Variants in IMMP2L observed in about 807,000 individuals in gnomAD.
The protein encoded by IMMP2L is mitochondrial inner membrane protease subunit 2.
In IMMP2L, 18 loss-of-function variants were observed where a neutral mutation model predicts 19.3. The ratio of observed to expected loss-of-function variants is 0.93; its 90% confidence interval spans 0.64 to 1.38. The LOEUF (loss-of-function observed/expected upper bound fraction) is 1.38. Among genes scored for constraint, IMMP2L ranks in the 40% most tolerant of loss-of-function variants. The pLI is 0.00. For synonymous variants in IMMP2L, 76 were observed against 73.0 expected (o/e 1.04, Z -0.21); for missense variants, 233 against 218.2 (o/e 1.07, Z -0.43).
rs59745560 is a variant in IMMP2L at position 110,961,432 on chromosome 7, GTT to G, written c.305+2066_305+2067del. Among the ~76,000 whole-genome samples, 836 of 141,124 alleles carry G rather than the reference GTT, an allele frequency of 5.9e-3. 9 individuals are homozygous for G. The highest frequency in any genetic ancestry group is 0.017 in the African/African-American group (655 of 38,726). 92.6% of individuals were successfully genotyped at this position (141,124 alleles called of 152,430 possible). A position where few individuals can be genotyped will look rare whatever the true frequency, so the allele number is the denominator to read the frequency against. On this transcript the variant is annotated intron_variant, in intron 4 of 5. Coordinates refer to ENST00000405709, the MANE Select transcript of IMMP2L (RefSeq NM_032549.4). Reference sequence around the variant, plus strand: ...GAATAATGACAAGAAAAAAGTCTGTGTTTTTTTTTTTTTTCAGTACAGACACA... The same window carrying G: ...GAATAATGACAAGAAAAAAGTCTGTGTTTTTTTTTTTTCAGTACAGACACA...
chr7:110,775,028 T>G (rs967275210), intron 5 of IMMP2L, among the ~76,000 whole-genome samples: 2 of 152,074 alleles, frequency 1.3e-5, no homozygotes, highest in African/African-American at 4.8e-5. Context: ...CAATGATTAC[T>G]TAGTGATATA....
intron 5 of IMMP2L, among the ~76,000 whole-genome samples, chr7:110,823,796 G>C (rs779031378): frequency 2.6e-5 from 4 of 152,078 alleles, no homozygotes; most frequent in Non-Finnish European, 4.4e-5. Context: ...AAGTTGCTCA[G>C]AGATAAGATT....
chr7:111,387,759 C>T (rs967526449), intron 3 of IMMP2L, among the ~76,000 whole-genome samples: 4 of 151,708 alleles, frequency 2.6e-5, no homozygotes, highest in Non-Finnish European at 2.9e-5. Flanking sequence ...GGGCAGACAA[C>T]GAGGTCAGGA....
intron 5 of IMMP2L, among the ~76,000 whole-genome samples, chr7:110,880,345 T>C (rs1364883287): frequency 1.3e-5 from 2 of 152,058 alleles, no homozygotes; most frequent in Non-Finnish European, 2.9e-5. Flanking sequence ...TTTTAAAGAT[T>C]ACCCAACAAG....
chr7:110,904,707 G>A (rs914539034), intron 4 of IMMP2L, among the ~76,000 whole-genome samples: 1 of 152,124 alleles, frequency 6.6e-6, no homozygotes, highest in Non-Finnish European at 1.5e-5. Context: ...TGTTTTATGG[G>A]CTTGCCATAG....
intron 1 of IMMP2L, among the ~76,000 whole-genome samples, chr7:111,556,014 G>GTATATATATATATATA: frequency 1.7e-5 from 2 of 114,602 alleles, no homozygotes; most frequent in South Asian, 6.1e-4. Flanking sequence ...TCTTCTGTGT[G>GTATATATATATATATA]CATGTATATA....
chr7:110,673,586 G>C (rs1792074350), intron 5 of IMMP2L, among the ~76,000 whole-genome samples: 1 of 152,134 alleles, frequency 6.6e-6, no homozygotes, highest in Non-Finnish European at 1.5e-5. Flanking sequence ...TGAATGCTTT[G>C]CTGCTTAGAA....
chr7:110,928,512 T>A (rs1815118969), intron 4 of IMMP2L, among the ~76,000 whole-genome samples: 3 of 143,146 alleles, frequency 2.1e-5, no homozygotes, highest in Non-Finnish European at 4.5e-5. Flanking sequence ...TTTTTAAAAG[T>A]TCAGTGTACA....
chr7:111,179,080 T>C (rs1280858835), intron 3 of IMMP2L, among the ~76,000 whole-genome samples: 3 of 152,040 alleles, frequency 2.0e-5, no homozygotes, highest in African/African-American at 4.8e-5. Context: ...TCCTCTTTGA[T>C]TCATGGTCTG....
chr7:111,062,193 C>A (rs1452236945), intron 3 of IMMP2L, among the ~76,000 whole-genome samples: 2 of 152,198 alleles, frequency 1.3e-5, no homozygotes, highest in Non-Finnish European at 2.9e-5. Context: ...CTCACAGTTC[C>A]ACATGGCTGG....
At chr7:111,488,977 T>G (rs1842875063) in intron 2 of IMMP2L, among the ~76,000 whole-genome samples, 3 of 151,938 alleles carry the variant, frequency 2.0e-5, no homozygotes, top group African/African-American at 7.2e-5. Flanking sequence ...TTTTTTCATA[T>G]GCTTATTGGC....
At chr7:111,469,738 G>C (rs1004284725) in intron 3 of IMMP2L, among the ~76,000 whole-genome samples, 5 of 152,146 alleles carry the variant, frequency 3.3e-5, no homozygotes, top group Admixed American at 2.0e-4. Flanking sequence ...ATGGATTAAA[G>C]ACTTAAACGT....
intron 3 of IMMP2L, among the ~76,000 whole-genome samples, chr7:111,008,111 G>C (rs148989915): frequency 1.5e-3 from 231 of 152,012 alleles, no homozygotes; most frequent in African/African-American, 5.4e-3. Flanking sequence ...GCCTCCAAAT[G>C]CTTTTTCCTA....
intron 3 of IMMP2L, among the ~76,000 whole-genome samples, chr7:111,230,580 G>A (rs1813602864): frequency 6.6e-6 from 1 of 152,016 alleles, no homozygotes. Context: ...TTGTCTGATA[G>A]AAAACTTTAG....
intron 3 of IMMP2L, among the ~76,000 whole-genome samples, chr7:111,475,254 T>A (rs1841618435): frequency 6.6e-6 from 1 of 152,094 alleles, no homozygotes; most frequent in Non-Finnish European, 1.5e-5. Flanking sequence ...ACAATTTTTT[T>A]AAAAGGCATT....
intron 5 of IMMP2L, among the ~76,000 whole-genome samples, chr7:110,844,929 G>T (rs1378045371): frequency 1.3e-5 from 2 of 151,910 alleles, no homozygotes; most frequent in African/African-American, 2.4e-5. Flanking sequence ...GAAAGGGGAG[G>T]CCCAGAAAAA....
chr7:110,681,137 A>C (rs151300009), intron 5 of IMMP2L, among the ~76,000 whole-genome samples: 1 of 152,232 alleles, frequency 6.6e-6, no homozygotes, highest in Non-Finnish European at 1.5e-5. Flanking sequence ...TAATGTTTAT[A>C]AGGAGATTAG....
Position 110,929,889 on chromosome 7 carries a change from A to G in IMMP2L, c.305+33611T>C, listed in dbSNP as rs535860181. Among the ~76,000 whole-genome samples the G allele has an allele frequency of 1.3e-3, 191 of 152,184 alleles. 1 individual carries two copies. Among genetic ancestry groups the G allele is most frequent in the African/African-American group, 4.5e-3 (185 of 41,568 alleles). Reference sequence around the variant, plus strand: ...ATGAAATGATTGAGTTGTGAATTTCATCGAGTTCCCAATAATAAGCAAATG... The same window carrying G: ...ATGAAATGATTGAGTTGTGAATTTCGTCGAGTTCCCAATAATAAGCAAATG... On this transcript the variant is annotated intron_variant, in intron 4 of 5. Transcript: ENST00000405709.
intron 3 of IMMP2L, among the ~76,000 whole-genome samples, chr7:111,238,041 T>C (rs1814546528): frequency 6.6e-6 from 1 of 152,096 alleles, no homozygotes; most frequent in Admixed American, 6.6e-5. Context: ...AGCCCTTATG[T>C]GAAGAAGATG....
Sources: allele counts gnomAD v4.1 joint callset (sites outside exome capture counted in the v4.1 genomes callset), GRCh38; gene constraint gnomAD v4.1.1; transcripts MANE v1.5; gene names NCBI Gene and HGNC (gene_info 2026-07-23, HGNC 2026-07-21).